The following ADGRE2 variants were observed in gnomAD, a reference collection of about 807,000 sequenced individuals.
ADGRE2 encodes CD97 antigen.
ADGRE2 carries 83 observed loss-of-function variants against 100.8 expected under a neutral mutation model. That is an observed-to-expected ratio of 0.82 (90% CI 0.69 to 0.99). The LOEUF (loss-of-function observed/expected upper bound fraction) is 0.99. ADGRE2 is among the 50% of genes least tolerant of loss of function. The pLI is 0.00. For synonymous variants in ADGRE2, 355 were observed against 413.0 expected (o/e 0.86, Z 1.70); for missense variants, 814 against 1,035.7 (o/e 0.79, Z 2.94).
intron 20 of ADGRE2, among the ~76,000 whole-genome samples, chr19:14,740,719 G>A (rs2147113224): frequency 6.6e-6 from 1 of 151,520 alleles, no homozygotes; most frequent in Non-Finnish European, 1.5e-5. Context: ...TTCTTTTCAA[G>A]ACTTTAAAAA....
At chr19:14,763,624 C>CCTCCTCCT (rs1303385715) in intron 11 of ADGRE2, among the ~76,000 whole-genome samples, 2 of 145,904 alleles carry the variant, frequency 1.4e-5, no homozygotes, top group Admixed American at 6.8e-5. Flanking sequence ...CTCCTGTGCT[C>CCTCCTCCT]CTCCTCCTCT....
intron 11 of ADGRE2, among the ~76,000 whole-genome samples, chr19:14,761,286 G>T (rs1249366812): frequency 6.6e-6 from 1 of 152,044 alleles, no homozygotes; most frequent in Non-Finnish European, 1.5e-5. Context: ...GGCGCCTGTA[G>T]TCCCAGCTAC....
At chr19:14,777,009 CA>C in intron 1 of ADGRE2, 82 bp from the exon 2 acceptor site, 4 of 1,358,800 alleles carry the variant, frequency 2.9e-6, no homozygotes, top group East Asian at 3.0e-5. Flanking sequence ...CACACACACA[CA>C]CACACGTGTA....
chr19:14,736,295 C>G (rs762242389), intron 20 of ADGRE2, 51 bp from the exon 21 acceptor site: 13 of 1,297,314 alleles, frequency 1.0e-5, no homozygotes, highest in Non-Finnish European at 1.4e-5. Context: ...GAGTTTCACT[C>G]TTGTTGCCTG....
At chr19:14,746,375 C>CTCTT (rs773572055) in intron 17 of ADGRE2, 52 bp from the exon 18 acceptor site, 2 of 778,008 alleles carry the variant, frequency 2.6e-6, no homozygotes, top group African/African-American at 4.0e-5. Flanking sequence ...CCTGTTATCT[C>CTCTT]TTTTTTTTTT....
Position 14,735,305 on chromosome 19 carries a change from G to C in ADGRE2, c.*931C>G, listed in dbSNP as rs1052984610. On this transcript the variant is annotated 3_prime_UTR_variant, in exon 21 of 21. Transcript: ENST00000315576. ...GGTTCTCACTCTGTTGCCCACACTG[G>C]TCTCAAACTCCTGGGCTTGAGCCAT... 2 of 151,944 alleles carry C rather than the reference G, an allele frequency of 1.3e-5. No homozygotes were observed. Among genetic ancestry groups the C allele is most frequent in the African/African-American group, 4.8e-5 (2 of 41,306 alleles). The allele number at this position is 151,944 out of a possible 1,614,324, so 9.4% of individuals were successfully genotyped here. A position where few individuals can be genotyped will look rare whatever the true frequency, so the allele number is the denominator to read the frequency against.
At chr19:14,755,935 A>G in intron 12 of ADGRE2, 58 bp from the exon 13 acceptor site, 1 of 1,452,806 alleles carries the variant, frequency 6.9e-7, no homozygotes, top group African/African-American at 1.4e-5. Context: ...GGTCCACACC[A>G]GAGTTCCTCT....
chr19:14,763,892 G>A (rs1361960405), intron 11 of ADGRE2, among the ~76,000 whole-genome samples: 1 of 47,648 alleles, frequency 2.1e-5, no homozygotes. Flanking sequence ...TCTTCCTCTT[G>A]TCCTCCTCCT....
At chr19:14,759,209 G>GCCCC (rs1248486101) in intron 11 of ADGRE2, among the ~76,000 whole-genome samples, 1 of 151,950 alleles carries the variant, frequency 6.6e-6, no homozygotes, top group Non-Finnish European at 1.5e-5. Context: ...AACATGTCGG[G>GCCCC]CCCCCAGGTA....
Position 14,767,113 on chromosome 19 carries a change from C to T in ADGRE2, c.356-4G>A. On this transcript the variant is annotated splice_polypyrimidine_tract_variant and splice_region_variant and intron_variant, in intron 5 of 20. Transcript: ENST00000315576. Reference sequence around the variant, plus strand: ...TTCTGCTGACATTCGTCCACATCTGCAAGAGGAAGGAGAGGGTGAAGAATG... The same window carrying T: ...TTCTGCTGACATTCGTCCACATCTGTAAGAGGAAGGAGAGGGTGAAGAATG... 1.2e-6 allele frequency: 2 copies of T among 1,604,890 alleles called. No individual in the cohort carries two copies. Among genetic ancestry groups the T allele is most frequent in the Non-Finnish European group, 1.7e-6 (2 of 1,176,384 alleles).
chr19:14,743,333 T>G (rs906602425), intron 20 of ADGRE2, 87 bp downstream of exon 20: 4 of 1,021,414 alleles, frequency 3.9e-6, no homozygotes, highest in East Asian at 4.7e-5. Context: ...CATTGCCTGC[T>G]GTATTCCCAG....
chr19:14,759,502 TA>T (rs1186120231), intron 11 of ADGRE2, among the ~76,000 whole-genome samples: 7 of 82,740 alleles, frequency 8.5e-5, no homozygotes, highest in South Asian at 5.7e-4. Context: ...TATATATATA[TA>T]TTTTTTTTTT....
At chr19:14,737,317 A>G (rs2042787382) in intron 20 of ADGRE2, among the ~76,000 whole-genome samples, 1 of 151,966 alleles carries the variant, frequency 6.6e-6, no homozygotes, top group Non-Finnish European at 1.5e-5. Context: ...CCTCCCGAGT[A>G]GCTGCAACTA....
intron 16 of ADGRE2, among the ~76,000 whole-genome samples, chr19:14,747,210 A>G (rs2043121099): frequency 2.0e-5 from 3 of 152,304 alleles, no homozygotes; most frequent in South Asian, 2.1e-4. Flanking sequence ...CAAACAATGA[A>G]ACAAAAATGG....
At chr19:14,736,893 T>C (rs1259183531) in intron 20 of ADGRE2, among the ~76,000 whole-genome samples, 1 of 142,134 alleles carries the variant, frequency 7.0e-6, no homozygotes, top group Non-Finnish European at 1.5e-5. Flanking sequence ...GAAATATATA[T>C]ATTTAATATC....
In ADGRE2 at chr19:14,772,451, G is replaced by T. The variant is rs1440588897; in HGVS notation, c.246C>A (p.Phe82Leu). ...ATLSKVSCGK[F>L]SDCWNTEGSY... ...TCCCCTCTGTGTTCCAGCAGTCCGA[G>T]AATTTTCCGCATGACACTTTCGACA... The change falls in exon 5 of 21, where the codon TTC becomes TTA. Residue 82 changes from phenylalanine (F) to leucine (L), a missense_variant. Transcript: ENST00000315576. 2 of 1,613,890 alleles carry T rather than the reference G, an allele frequency of 1.2e-6. No individual in the cohort carries two copies. Among genetic ancestry groups the T allele is most frequent in the Non-Finnish European group, 1.7e-6 (2 of 1,180,030 alleles).
At chr19:14,748,287 A>G (rs1175467044) in intron 16 of ADGRE2, among the ~76,000 whole-genome samples, 1 of 150,134 alleles carries the variant, frequency 6.7e-6, no homozygotes. Context: ...AGCTCCATCC[A>G]TATTGCTGCA....
At chr19:14,773,080 C>CAAAAAAAAAAAAAAAAACAAAAAAAA (rs2044270862) in intron 4 of ADGRE2, among the ~76,000 whole-genome samples, 1 of 45,846 alleles carries the variant, frequency 2.2e-5, no homozygotes, top group Non-Finnish European at 3.6e-5. Flanking sequence ...GACTCCATCT[C>CAAAAAAAAAAAAAAAAACAAAAAAAA]AAAAAAAAAA....
Position 14,773,872 on chromosome 19 carries a change from C to A in ADGRE2, c.199+66G>T. 4 of 1,424,174 alleles carry A rather than the reference C, an allele frequency of 2.8e-6. No homozygotes were observed. The Admixed American group carries it at 6.7e-5, about 24-fold the overall frequency. 88.2% of individuals were successfully genotyped at this position (1,424,174 alleles called of 1,614,324 possible). ...TGGCCCCTCACAACAACCTCTGTCC[C>A]CCACTGGCACTGGGCTATGCCTCAT... On this transcript the variant is annotated intron_variant, in intron 4 of 20. Coordinates refer to ENST00000315576, the MANE Select transcript of ADGRE2 (RefSeq NM_013447.4).
Sources: gnomAD v4.1 joint callset for allele counts (sites outside exome capture counted in the v4.1 genomes callset) on GRCh38, gnomAD v4.1.1 for gene constraint, MANE v1.5 for transcripts, NCBI Gene and HGNC (gene_info 2026-07-23, HGNC 2026-07-21) for gene names.